Variants in PLAGL1 observed in about 807,000 individuals in gnomAD.
PLAGL1 encodes the protein PLAG1 like zinc finger 1.
PLAGL1 carries 1 observed loss-of-function variant against 4.6 expected under a neutral mutation model. That is an observed-to-expected ratio of 0.22 (90% CI 0.08 to 1.03). The LOEUF is 1.03. PLAGL1 is among the 50% of genes least tolerant of loss of function. The pLI is 0.58. For missense variants in PLAGL1, 464 were observed against 570.4 expected (o/e 0.81, Z 1.90); for synonymous variants, 240 against 237.8 (o/e 1.01, Z -0.08).
chr6:143,987,996 A>T (rs1214307856), intron 1 of PLAGL1, among the ~76,000 whole-genome samples: 1 of 152,180 alleles, frequency 6.6e-6, no homozygotes, highest in Non-Finnish European at 1.5e-5. Flanking sequence ...CATATTGTTT[A>T]TTTAGAATAA....
chr6:144,023,923 C>T (rs989749061), intron 1 of PLAGL1, among the ~76,000 whole-genome samples: 3 of 151,852 alleles, frequency 2.0e-5, no homozygotes, highest in East Asian at 1.9e-4. Context: ...ATTACAGGCA[C>T]GCACAACCAT....
rs887389487 is a variant in PLAGL1 at position 143,975,544 on chromosome 6, C to T, written c.-543-6566G>A. Among the ~76,000 whole-genome samples the T allele has an allele frequency of 4.6e-5, 7 of 152,040 alleles. No individual in the cohort carries two copies. The highest frequency in any genetic ancestry group is 1.4e-4 in the African/African-American group (6 of 41,432). On this transcript the variant is annotated intron_variant, in intron 2 of 7. Transcript: ENST00000674357. This position sits in a 1 kb window ranked among gnomAD's most constrained non-coding sequence, Gnocchi z 5.8. The stretch of plus-strand genomic sequence containing the variant: ...CTATTATCAATGCTGAAAATCAAAA[C>T]AGTGTAAACTTGTTAAAAGGAAAAA...
At position 143,957,053 on chromosome 6, in the gene PLAGL1, G is replaced by C. The variant is rs1003889821; in HGVS notation, c.-325+3416C>G. 6.6e-6 allele frequency among the ~76,000 whole-genome samples: 1 copy of C among 152,230 alleles called. No individual in the cohort carries two copies. Among genetic ancestry groups the C allele is most frequent in the Admixed American group, 6.5e-5 (1 of 15,284 alleles). On this transcript the variant is annotated intron_variant, in intron 6 of 7. Transcript: ENST00000674357. This position sits in a 1 kb window ranked among gnomAD's most constrained non-coding sequence, Gnocchi z 4.2. ...TCATCCAGTATAGTACCCACCAGGG[G>C]GAACGGAGGAAAAGAAATATTGTTG...
chr6:144,056,630 C>G lies in PLAGL1; in HGVS notation c.-151+7838G>C, dbSNP rs147297574. Among the ~76,000 whole-genome samples, 5 of 152,224 alleles carry G rather than the reference C, an allele frequency of 3.3e-5. No homozygotes were observed. The East Asian group carries it at 9.7e-4, about 29-fold the overall frequency. On this transcript the variant is annotated intron_variant, in intron 1 of 3. Transcript: ENST00000437412. The surrounding 1 kb of genome is among the most constrained non-coding windows in gnomAD (Gnocchi z 4.7). The stretch of plus-strand genomic sequence containing the variant: ...TTAGTAATATGCATTTAAGATTCCT[C>G]CATGTCCTTTCATGGCTTGATAGCT...
At position 144,036,515 on chromosome 6, in the gene PLAGL1, G is replaced by C. The variant is rs928244426; in HGVS notation, c.-151+27953C>G. Reference sequence around the variant, plus strand: ...CCACACCCTCAGCACTTTGTGACAGGACAATTACTGCCGCGTGACAGGACT... The same window carrying C: ...CCACACCCTCAGCACTTTGTGACAGCACAATTACTGCCGCGTGACAGGACT... On this transcript the variant is annotated intron_variant, in intron 1 of 3. Transcript: ENST00000437412. This position sits in a 1 kb window ranked among gnomAD's most constrained non-coding sequence, Gnocchi z 5.1. 1.2e-5 allele frequency: 2 copies of C among 171,604 alleles called. No individual in the cohort carries two copies. The highest frequency in any genetic ancestry group is 1.3e-4 in the Admixed American group (2 of 15,464). The allele number at this position is 171,604 out of a possible 1,614,324, so 10.6% of individuals were successfully genotyped here.
chr6:143,992,459 C>T (rs1790683305), intron 1 of PLAGL1, among the ~76,000 whole-genome samples: 1 of 152,176 alleles, frequency 6.6e-6, no homozygotes, highest in African/African-American at 2.4e-5. Context: ...AATGTTAGCC[C>T]ATCCTGACTA....
At position 143,984,938 on chromosome 6, in the gene PLAGL1, A is replaced by C. The variant is rs868548259; in HGVS notation, c.-544+197T>G. 2.0e-5 allele frequency among the ~76,000 whole-genome samples: 3 copies of C among 152,340 alleles called. No individual in the cohort carries two copies. Among genetic ancestry groups the C allele is most frequent in the Middle Eastern group, 3.4e-3 (1 of 294 alleles). ...GCCCCTAGGCCAAGACATGTACTTC[A>C]AAAATCATTATCAAAATAACTATTA... is the stretch of plus-strand genomic sequence containing the variant. On this transcript the variant is annotated intron_variant, in intron 2 of 7. Transcript: ENST00000674357. This position sits in a 1 kb window ranked among gnomAD's most constrained non-coding sequence, Gnocchi z 5.5.
intron 1 of PLAGL1, among the ~76,000 whole-genome samples, chr6:144,001,181 A>T (rs569453072): frequency 7.9e-5 from 12 of 152,098 alleles, no homozygotes; most frequent in South Asian, 4.1e-4. Flanking sequence ...TGATAAAAAA[A>T]AAAAAATAAA....
chr6:144,040,946 T>G (rs987299567), intron 1 of PLAGL1, among the ~76,000 whole-genome samples: 11 of 152,222 alleles, frequency 7.2e-5, no homozygotes, highest in African/African-American at 2.6e-4. Context: ...TAGCCCACCT[T>G]GAATAATCTT....
intron 1 of PLAGL1, among the ~76,000 whole-genome samples, chr6:143,993,507 T>C (rs951808488): frequency 6.6e-6 from 1 of 152,062 alleles, no homozygotes; most frequent in Non-Finnish European, 1.5e-5. Flanking sequence ...ATTTTGCAAC[T>C]ACAAAAACTA....
chr6:144,009,734 GT>G (rs1240876697), upstream of PLAGL1, among the ~76,000 whole-genome samples: 5 of 151,466 alleles, frequency 3.3e-5, no homozygotes, highest in Admixed American at 2.6e-4. Context: ...TGTTCTCATT[GT>G]TCAACTCCCA....
rs1350084043 is a variant in PLAGL1 at position 143,958,925 on chromosome 6, C to A, written c.-325+1544G>T. Reference sequence around the variant, plus strand: ...TTTTCACCTTAAGTCTTTTTTCTCTCCCATTCACAGCTTTAGGTCCTTTGT... The same window carrying A: ...TTTTCACCTTAAGTCTTTTTTCTCTACCATTCACAGCTTTAGGTCCTTTGT... On this transcript the variant is annotated intron_variant, in intron 6 of 7. Transcript: ENST00000674357. The surrounding 1 kb of genome is among the most constrained non-coding windows in gnomAD (Gnocchi z 5.1). Among the ~76,000 whole-genome samples, 1 of 152,160 alleles carries A rather than the reference C, an allele frequency of 6.6e-6. No homozygotes were observed. The highest frequency in any genetic ancestry group is 6.5e-5 in the Admixed American group (1 of 15,292).
chr6:144,009,764 C>T (rs1214305203), upstream of PLAGL1, among the ~76,000 whole-genome samples: 3 of 151,552 alleles, frequency 2.0e-5, no homozygotes, highest in East Asian at 5.8e-4. Context: ...TGAGAACATG[C>T]GGTGTTTAGT....
Position 144,048,580 on chromosome 6 carries a change from A to G in PLAGL1, c.-151+15888T>C, listed in dbSNP as rs1489663082. Among the ~76,000 whole-genome samples the G allele has an allele frequency of 6.6e-6, 1 of 152,210 alleles. No individual in the cohort carries two copies. Among genetic ancestry groups the G allele is most frequent in the Non-Finnish European group, 1.5e-5 (1 of 68,034 alleles). On this transcript the variant is annotated intron_variant, in intron 1 of 3. Transcript: ENST00000437412. The surrounding 1 kb of genome is among the most constrained non-coding windows in gnomAD (Gnocchi z 4.8). ...CTTACAGCTTGCAGTCTCTGAAGCAATGGCTTGAGCTGTATGTTGGCCCCT... is the reference window on the plus strand; with the variant it reads ...CTTACAGCTTGCAGTCTCTGAAGCAGTGGCTTGAGCTGTATGTTGGCCCCT...
intron 1 of PLAGL1, among the ~76,000 whole-genome samples, chr6:144,052,795 C>A (rs561591912): frequency 6.6e-6 from 1 of 151,964 alleles, no homozygotes; most frequent in South Asian, 2.1e-4. Flanking sequence ...TTTCCTTTTC[C>A]AACAACTAGT....
At position 143,962,676 on chromosome 6, in the gene PLAGL1, G is replaced by A. The variant is rs963396164; in HGVS notation, c.-399+2111C>T. Among the ~76,000 whole-genome samples the A allele has an allele frequency of 6.6e-6, 1 of 152,176 alleles. No individual in the cohort carries two copies. Among genetic ancestry groups the A allele is most frequent in the South Asian group, 2.1e-4 (1 of 4,832 alleles). On this transcript the variant is annotated intron_variant, in intron 5 of 7. Coordinates refer to ENST00000674357, the MANE Select transcript of PLAGL1 (RefSeq NM_001317162.2). This position sits in a 1 kb window ranked among gnomAD's most constrained non-coding sequence, Gnocchi z 5.3. ...TCTCTCTTAATGAACTGGTTTAGCC[G>A]CCTGCTGGGCATTCACTGAAACCCA...
rs994427625 is a variant in PLAGL1, at chr6:144,036,431, C to T, written c.-151+28037G>A. Among the ~76,000 whole-genome samples, 5 of 152,154 alleles carry T rather than the reference C, an allele frequency of 3.3e-5. No homozygotes were observed. The highest frequency in any genetic ancestry group is 1.3e-4 in the Admixed American group (2 of 15,284). The stretch of plus-strand genomic sequence containing the variant: ...TACCAAAGGGGCACATGCTCCACAC[C>T]AAATGGGCAAAAATTCCACAGCCGA... On this transcript the variant is annotated intron_variant, in intron 1 of 3. Coordinates refer to the PLAGL1 transcript ENST00000437412. This position sits in a 1 kb window ranked among gnomAD's most constrained non-coding sequence, Gnocchi z 5.1.
rs1241282194 is a variant in PLAGL1 at position 143,945,789 on chromosome 6, C to T, written c.152+2196G>A. On this transcript the variant is annotated intron_variant, in intron 7 of 7. Coordinates refer to ENST00000674357, the MANE Select transcript of PLAGL1 (RefSeq NM_001317162.2). This position sits in a 1 kb window ranked among gnomAD's most constrained non-coding sequence, Gnocchi z 4.2. ...TTTTTAAAAGCAAAACCGAAAGCAT[C>T]CTGCCATCTCACACTCTTCCAGTCC... Among the ~76,000 whole-genome samples the T allele has an allele frequency of 6.6e-6, 1 of 152,094 alleles. No individual in the cohort carries two copies. The highest frequency in any genetic ancestry group is 6.6e-5 in the Admixed American group (1 of 15,264).
At chr6:143,986,921 G>C (rs1789302089) in intron 1 of PLAGL1, among the ~76,000 whole-genome samples, 1 of 152,144 alleles carries the variant, frequency 6.6e-6, no homozygotes, top group Admixed American at 6.5e-5. Flanking sequence ...TGCATTATTA[G>C]CATGGTTTGG....
Sources: gnomAD v4.1 joint callset for allele counts (sites outside exome capture counted in the v4.1 genomes callset) on GRCh38, gnomAD v4.1.1 for gene constraint, Gnocchi (gnomAD v3.1) non-coding constraint, MANE v1.5 for transcripts, NCBI Gene and HGNC (gene_info 2026-07-23, HGNC 2026-07-21) for gene names.